The following PTPRD variants were observed in gnomAD, a reference collection of about 807,000 sequenced individuals.
PTPRD encodes the protein protein tyrosine phosphatase receptor type D, also known as receptor-type tyrosine-protein phosphatase delta.
PTPRD carries 34 observed loss-of-function variants against 214.5 expected under a neutral mutation model. The observed-to-expected ratio is 0.16, with a 90% CI of 0.12 to 0.21. The LOEUF (loss-of-function observed/expected upper bound fraction) is 0.21, where lower values mean the gene tolerates loss of function less well. PTPRD is among the 10% of genes least tolerant of loss of function. The pLI, the probability that PTPRD is intolerant of heterozygous loss-of-function variation, is 1.00. For synonymous variants in PTPRD, 1,128 were observed against 845.7 expected (o/e 1.33, Z -5.79); for missense variants, 2,545 against 2,398.7 (o/e 1.06, Z -1.27).
intron 35 of PTPRD, among the ~76,000 whole-genome samples, chr9:8,436,391 T>G (rs2095351040): frequency 6.6e-6 from 1 of 152,160 alleles, no homozygotes; most frequent in Admixed American, 6.5e-5. Context: ...TGAACAAACA[T>G]AAAATTAACT....
chr9:8,391,139 A>ATT (rs140311395), intron 36 of PTPRD, among the ~76,000 whole-genome samples: 3 of 149,832 alleles, frequency 2.0e-5, no homozygotes, highest in Non-Finnish European at 4.5e-5. Context: ...CGGGGTAACC[A>ATT]TTTTTTTTTT....
chr9:9,390,397 A>G (rs1404305561), intron 9 of PTPRD, among the ~76,000 whole-genome samples: 4 of 152,162 alleles, frequency 2.6e-5, no homozygotes, highest in South Asian at 4.1e-4. Flanking sequence ...ATGGGAAAAC[A>G]AATTCCTGGG....
chr9:9,768,157 T>G (rs778092057), intron 5 of PTPRD, among the ~76,000 whole-genome samples: 1 of 152,168 alleles, frequency 6.6e-6, no homozygotes, highest in African/African-American at 2.4e-5. Context: ...TTTTCACACC[T>G]TCTAGATTTT....
intron 11 of PTPRD, among the ~76,000 whole-genome samples, chr9:8,798,969 T>C (rs2096509713): frequency 6.6e-6 from 1 of 152,154 alleles, no homozygotes; most frequent in African/African-American, 2.4e-5. Flanking sequence ...CAGCCTGCTT[T>C]CCTTACAGGG....
chr9:9,369,988 T>G (rs534201077), intron 9 of PTPRD, among the ~76,000 whole-genome samples: 2 of 152,142 alleles, frequency 1.3e-5, no homozygotes, highest in East Asian at 1.9e-4. Flanking sequence ...TTTGGTACCA[T>G]TACCACGATG....
intron 5 of PTPRD, among the ~76,000 whole-genome samples, chr9:9,899,786 T>G (rs187453934): frequency 6.6e-6 from 1 of 151,814 alleles, no homozygotes; most frequent in Admixed American, 6.6e-5. Flanking sequence ...ATAACAAAGA[T>G]ATAGAATCAA....
intron 4 of PTPRD, among the ~76,000 whole-genome samples, chr9:10,008,319 T>C (rs2096530538): frequency 6.6e-6 from 1 of 151,910 alleles, no homozygotes; most frequent in South Asian, 2.1e-4. Flanking sequence ...CCCTCCCTTT[T>C]TGTGTTTTCA....
chr9:9,701,917 A>T (rs1242481917), intron 7 of PTPRD, among the ~76,000 whole-genome samples: 2 of 152,052 alleles, frequency 1.3e-5, no homozygotes, highest in Admixed American at 6.5e-5. Context: ...TCAGGAGTTC[A>T]AGACAAGCCT....
chr9:10,019,280 G>GATT (rs2096793021), intron 4 of PTPRD, among the ~76,000 whole-genome samples: 1 of 152,140 alleles, frequency 6.6e-6, no homozygotes, highest in Non-Finnish European at 1.5e-5. Context: ...GGAAAAAACA[G>GATT]GGGCTGGAGA....
intron 39 of PTPRD, among the ~76,000 whole-genome samples, chr9:8,370,521 C>T (rs1415508915): frequency 6.6e-6 from 1 of 152,084 alleles, no homozygotes; most frequent in African/African-American, 2.4e-5. Flanking sequence ...ACTTGGAAAA[C>T]AGTAATGGCT....
intron 8 of PTPRD, among the ~76,000 whole-genome samples, chr9:9,422,100 G>C (rs1222835775): frequency 1.3e-5 from 2 of 152,116 alleles, no homozygotes; most frequent in Non-Finnish European, 2.9e-5. Flanking sequence ...CATGTTTTGA[G>C]TGTGTACTGT....
In PTPRD at chr9:9,991,487, G is replaced by A. The variant is rs186006995; in HGVS notation, c.-472+42231C>T. Among the ~76,000 whole-genome samples the A allele has an allele frequency of 2.4e-4, 37 of 151,448 alleles. No individual in the cohort carries two copies. The East Asian group carries it at 6.8e-3, about 28-fold the overall frequency. On this transcript the variant is annotated intron_variant, in intron 4 of 45. Coordinates refer to ENST00000381196, the MANE Select transcript of PTPRD (RefSeq NM_002839.4). ...AGCAATTCTCCTGCCTCAGCCTCCC[G>A]AGTAGCTGGGATTACAGGCATGAGC...
chr9:8,673,942 T>C (rs1324309617), intron 12 of PTPRD, among the ~76,000 whole-genome samples: 1 of 152,144 alleles, frequency 6.6e-6, no homozygotes, highest in Admixed American at 6.5e-5. Flanking sequence ...CCCCCTATTC[T>C]GACAACCAAA....
At chr9:8,715,376 C>G (rs1205236894) in intron 12 of PTPRD, among the ~76,000 whole-genome samples, 1 of 152,180 alleles carries the variant, frequency 6.6e-6, no homozygotes, top group Non-Finnish European at 1.5e-5. Context: ...CAGGAGTGCA[C>G]AGACCCTACC....
chr9:9,501,575 G>A (rs1385533556), intron 8 of PTPRD, among the ~76,000 whole-genome samples: 1 of 151,832 alleles, frequency 6.6e-6, no homozygotes, highest in East Asian at 1.9e-4. Context: ...TCTAGTTAAT[G>A]TATATCAACT....
intron 11 of PTPRD, among the ~76,000 whole-genome samples, chr9:8,795,425 C>G (rs2096384182): frequency 6.6e-6 from 1 of 152,258 alleles, no homozygotes; most frequent in East Asian, 1.9e-4. Flanking sequence ...ACCTCAGCCT[C>G]CCAAAGTGGT....
At chr9:10,291,686 G>C (rs1266695037) in intron 3 of PTPRD, among the ~76,000 whole-genome samples, 2 of 152,040 alleles carry the variant, frequency 1.3e-5, no homozygotes, top group Admixed American at 6.6e-5. Context: ...AGAAGGGAAA[G>C]CAGCCCTGAA....
intron 2 of PTPRD, among the ~76,000 whole-genome samples, chr9:10,485,796 G>A (rs139809752): frequency 7.9e-4 from 120 of 151,930 alleles, no homozygotes; most frequent in Middle Eastern, 3.4e-3. Flanking sequence ...TGATCATATC[G>A]TTTGCAGACA....
chr9:8,700,158 T>G (rs1388564411), intron 12 of PTPRD, among the ~76,000 whole-genome samples: 1 of 152,212 alleles, frequency 6.6e-6, no homozygotes, highest in African/African-American at 2.4e-5. Flanking sequence ...TCAATGCATG[T>G]GACATTCTGC....
Sources: gnomAD v4.1 joint callset for allele counts (sites outside exome capture counted in the v4.1 genomes callset) on GRCh38, gnomAD v4.1.1 for gene constraint, MANE v1.5 for transcripts, NCBI Gene and HGNC (gene_info 2026-07-23, HGNC 2026-07-21) for gene names.